Variants in FBN1 observed in about 807,000 individuals in gnomAD.
FBN1 encodes the protein fibrillin-1.
In FBN1, 29 loss-of-function variants were observed where a neutral mutation model predicts 365.1. The observed-to-expected ratio is 0.08, with a 90% CI of 0.06 to 0.11. FBN1 has a LOEUF of 0.11. FBN1 is among the 10% of genes least tolerant of loss of function. The pLI is 1.00. For missense variants in FBN1, 2,476 were observed against 3,703.2 expected (o/e 0.67, Z 8.60); for synonymous variants, 1,210 against 1,270.5 (o/e 0.95, Z 1.01).
rs186519985 is a variant in FBN1 at position 48,559,869 on chromosome 15, T to C, written c.539-22061A>G. On this transcript the variant is annotated intron_variant, in intron 6 of 65. Coordinates refer to ENST00000316623, the MANE Select transcript of FBN1 (RefSeq NM_000138.5). Reference sequence around the variant, plus strand: ...CAAAATCCTATGGAGACAAAGCCTGTTTTGTGTGCCCATCATCTGTTTTCA... The same window carrying C: ...CAAAATCCTATGGAGACAAAGCCTGCTTTGTGTGCCCATCATCTGTTTTCA... Among the ~76,000 whole-genome samples the C allele has an allele frequency of 2.6e-3, 390 of 152,330 alleles. 1 individual carries two copies. The highest frequency in any genetic ancestry group is 9.2e-3 in the African/African-American group (382 of 41,582).
intron 2 of FBN1, among the ~76,000 whole-genome samples, chr15:48,630,691 C>T (rs1270120218): frequency 7.5e-6 from 1 of 132,936 alleles, no homozygotes; most frequent in Non-Finnish European, 1.5e-5. Flanking sequence ...GAGATTGTGC[C>T]ACTGCACTCC....
rs923260992 is a variant in FBN1, at chr15:48,456,839, C to A, written c.5297-77G>T. 49 of 999,514 alleles carry A rather than the reference C, an allele frequency of 4.9e-5. 1 individual carries two copies. In the South Asian group the frequency reaches 5.2e-4, roughly 11 times the overall value. The allele number at this position is 999,514 out of a possible 1,614,324, so 61.9% of individuals were successfully genotyped here. On this transcript the variant is annotated intron_variant, in intron 43 of 65. Transcript: ENST00000316623. ...GCAGGGTAAGACAAGATGGAAAGTG[C>A]GTGCGTGTGTGTGTGTGTGTGTGTG...
chr15:48,428,506 G>C (rs1480977283), intron 56 of FBN1, 35 bp from the exon 57 acceptor site: 2 of 1,613,236 alleles, frequency 1.2e-6, no homozygotes, highest in South Asian at 2.2e-5. Flanking sequence ...AAAACAAGAA[G>C]AGTCATCTGA....
intron 29 of FBN1, 105 bp downstream of exon 29, chr15:48,486,970 T>A: frequency 1.1e-6 from 1 of 883,234 alleles, no homozygotes; most frequent in Non-Finnish European, 1.5e-6. Context: ...GTACATAGAG[T>A]GTTTTAGGGA....
Position 48,483,845 on chromosome 15 carries a change from C to T in FBN1, c.3811G>A (p.Ala1271Thr), listed in dbSNP as rs993279983. 11 of 1,613,640 alleles carry T rather than the reference C, an allele frequency of 6.8e-6. No homozygotes were observed. The highest frequency in any genetic ancestry group is 2.7e-5 in the African/African-American group (2 of 74,914). ...YRCLCYDGFM[A>T]SEDMKTCVDV... ...ACACAAGTCTTCATGTCTTCAGATG[C>T]CATGAATCCATCATAACACAAGCAC... is the stretch of plus-strand genomic sequence containing the variant. Residue 1271 changes from alanine to threonine, a missense_variant, in exon 31 of 66, where the codon GCA (alanine) becomes ACA (threonine). Physicochemically the swap from Ala to Thr is moderately conservative, Grantham distance 58. This residue lies in a region of FBN1 where 1,780 missense variants were observed against 2,840.8 expected (regional missense o/e 0.63). Coordinates refer to ENST00000316623, the MANE Select transcript of FBN1 (RefSeq NM_000138.5).
chr15:48,549,380 G>A (rs182461935), intron 6 of FBN1, among the ~76,000 whole-genome samples: 30 of 152,312 alleles, frequency 2.0e-4, no homozygotes, highest in African/African-American at 6.7e-4. Flanking sequence ...GCAGGGAGGC[G>A]GCATGTACAT....
At chr15:48,411,414 G>A in intron 65 of FBN1, 35 bp from the exon 66 acceptor site, 1 of 1,592,228 alleles carries the variant, frequency 6.3e-7, no homozygotes, top group Non-Finnish European at 8.6e-7. Flanking sequence ...TAAATACAAT[G>A]TACATATGCC....
chr15:48,481,599 A>G (rs2043465392), intron 32 of FBN1, 56 bp downstream of exon 32: 16 of 1,551,626 alleles, frequency 1.0e-5, no homozygotes, highest in Non-Finnish European at 1.2e-5. Flanking sequence ...ATCTATAATT[A>G]TGATACCAAT....
intron 4 of FBN1, among the ~76,000 whole-genome samples, chr15:48,605,311 G>C (rs915874730): frequency 3.3e-4 from 51 of 152,242 alleles, no homozygotes; most frequent in African/African-American, 1.2e-3. Context: ...AAAAAAGTTG[G>C]AGAAAATCTT....
Position 48,505,227 on chromosome 15 carries a change from C to T in FBN1, c.1838-80G>A. 14 of 1,553,830 alleles carry T rather than the reference C, an allele frequency of 9.0e-6. No individual in the cohort carries two copies. The South Asian group carries it at 1.6e-4, about 17-fold the overall frequency. ...AACATGTTGACAATTATGTTTTAAC[C>T]CTTGAAAATGGGGAAGATAGGAAAT... On this transcript the variant is annotated intron_variant, in intron 15 of 65. Coordinates refer to ENST00000316623, the MANE Select transcript of FBN1 (RefSeq NM_000138.5).
At chr15:48,526,775 T>G (rs2043918484) in intron 8 of FBN1, among the ~76,000 whole-genome samples, 1 of 152,156 alleles carries the variant, frequency 6.6e-6, no homozygotes, top group Admixed American at 6.5e-5. Flanking sequence ...AAACTACCAT[T>G]ATGATGGTCT....
intron 17 of FBN1, among the ~76,000 whole-genome samples, chr15:48,502,342 G>A (rs2043668188): frequency 6.6e-6 from 1 of 152,106 alleles, no homozygotes; most frequent in Admixed American, 6.6e-5. Flanking sequence ...CACCATGCCT[G>A]GCCCCCCATT....
At chr15:48,602,102 G>A (rs1235808637) in intron 4 of FBN1, among the ~76,000 whole-genome samples, 1 of 151,900 alleles carries the variant, frequency 6.6e-6, no homozygotes, top group Non-Finnish European at 1.5e-5. Context: ...TCTCTTACCT[G>A]CCTCTTTGTC....
chr15:48,526,315 G>A, intron 8 of FBN1, 60 bp from the exon 9 acceptor site: 1 of 1,582,132 alleles, frequency 6.3e-7, no homozygotes, highest in South Asian at 1.1e-5. Context: ...CCATTCGTCA[G>A]TAGAAGGACT....
chr15:48,613,378 AGTCTT>A (rs2044671996), intron 2 of FBN1, among the ~76,000 whole-genome samples: 1 of 152,238 alleles, frequency 6.6e-6, no homozygotes, highest in South Asian at 2.1e-4. Flanking sequence ...AAGCCATACA[AGTCTT>A]AAATTAGACA....
intron 4 of FBN1, among the ~76,000 whole-genome samples, chr15:48,603,164 A>AT (rs1342397839): frequency 6.6e-6 from 1 of 152,192 alleles, no homozygotes; most frequent in East Asian, 1.9e-4. Context: ...CCTGATATAT[A>AT]TTTTTTACCC....
intron 2 of FBN1, among the ~76,000 whole-genome samples, chr15:48,633,185 C>T (rs946544824): frequency 2.6e-5 from 4 of 152,164 alleles, no homozygotes; most frequent in Admixed American, 6.5e-5. Flanking sequence ...CCTATTCAAA[C>T]GCAGCTAATG....
At position 48,490,000 on chromosome 15, in the gene FBN1, T is replaced by C; in HGVS notation, c.2933A>G (p.Asp978Gly). ...TGCCCCGACGGAGCAGCAGCAGGCGTCCATGCGGTGGCGGCCAGCAATAGG... is the reference window on the plus strand; with the variant it reads ...TGCCCCGACGGAGCAGCAGCAGGCGCCCATGCGGTGGCGGCCAGCAATAGG... ...TLPIAGRHRM[D>G]ACCCSVGAAW... Residue 978 changes from aspartate (D) to glycine (G), a missense_variant, in exon 25 of 66, where the codon GAC (aspartate) becomes GGC (glycine). Transcript: ENST00000316623. 1 of 1,614,088 alleles carries C rather than the reference T, an allele frequency of 6.2e-7. No individual in the cohort carries two copies. Among genetic ancestry groups the C allele is most frequent in the Non-Finnish European group, 8.5e-7 (1 of 1,180,020 alleles).
chr15:48,428,702 A>G (rs1053791330), intron 56 of FBN1, among the ~76,000 whole-genome samples: 16 of 152,170 alleles, frequency 1.1e-4, no homozygotes, highest in African/African-American at 3.9e-4. Flanking sequence ...CAAAATTTAA[A>G]AGGTATAAAA....
Sources: allele counts gnomAD v4.1 joint callset (sites outside exome capture counted in the v4.1 genomes callset), GRCh38; gene constraint gnomAD v4.1.1; regional missense constraint gnomAD v4.1.1; transcripts MANE v1.5; gene names NCBI Gene and HGNC (gene_info 2026-07-23, HGNC 2026-07-21).